GALK2: variants seen among roughly 807,000 people sequenced by gnomAD.
The protein encoded by GALK2 is galactokinase 2, also known as N-acetylgalactosamine kinase.
A neutral mutation model predicts 52.4 loss-of-function variants in GALK2; 36 were observed. The observed-to-expected ratio is 0.69, with a 90% CI of 0.53 to 0.91. The LOEUF (loss-of-function observed/expected upper bound fraction) is 0.91. Ranked by LOEUF, GALK2 falls within the 40% of genes least tolerant of loss-of-function variation. The pLI is 0.00. For synonymous variants in GALK2, 176 were observed against 199.1 expected, an observed-to-expected ratio of 0.88 and a Z score of 0.98; for missense variants, 579 against 559.1, an observed-to-expected ratio of 1.04 and a Z score of -0.36.
intron 1 of GALK2, among the ~76,000 whole-genome samples, chr15:49,164,610 A>G (rs2084758171): frequency 1.3e-5 from 2 of 151,886 alleles, no homozygotes; most frequent in South Asian, 4.2e-4. Flanking sequence ...GTAAAACCCC[A>G]TCTCTACTAA....
rs1390658519 is a variant in GALK2, at chr15:49,156,263, G to A, written c.20+247G>A. On this transcript the variant is annotated intron_variant, in intron 1 of 9. Coordinates refer to the GALK2 transcript ENST00000327171. Reference sequence around the variant, plus strand: ...TTACAGCCCTTGGGACCAAATTAAGGTAACAACGACTGGTTTTTAAAAAAT... The same window carrying A: ...TTACAGCCCTTGGGACCAAATTAAGATAACAACGACTGGTTTTTAAAAAAT... 3 of 501,660 alleles carry A rather than the reference G, an allele frequency of 6.0e-6. No individual in the cohort carries two copies. The East Asian group carries it at 1.1e-4, about 19-fold the overall frequency. 31.1% of individuals were successfully genotyped at this position (501,660 alleles called of 1,614,324 possible).
At chr15:49,207,496 T>C (rs1370267252) in intron 2 of GALK2, among the ~76,000 whole-genome samples, 3 of 152,200 alleles carry the variant, frequency 2.0e-5, no homozygotes, top group Non-Finnish European at 2.9e-5. Context: ...TTTTTTTTGT[T>C]GGTAATTTTT....
intron 5 of GALK2, among the ~76,000 whole-genome samples, chr15:49,268,179 G>A (rs775537721): frequency 3.3e-5 from 5 of 152,164 alleles, no homozygotes; most frequent in African/African-American, 7.2e-5. Context: ...CCCTCATGGA[G>A]CTTAGACTAA....
intron 2 of GALK2, among the ~76,000 whole-genome samples, chr15:49,214,397 C>G (rs1053602016): frequency 7.1e-6 from 1 of 139,938 alleles, no homozygotes; most frequent in East Asian, 2.1e-4. Context: ...GTGGCGTGAT[C>G]TCGGCTCACT....
chr15:49,159,852 A>ATGTG (rs1195085915), intron 1 of GALK2, among the ~76,000 whole-genome samples: 1 of 152,192 alleles, frequency 6.6e-6, no homozygotes, highest in African/African-American at 2.4e-5. Context: ...GATTGTATGT[A>ATGTG]TGTGTGTGTT....
At chr15:49,257,932 A>G (rs929804017) in intron 5 of GALK2, among the ~76,000 whole-genome samples, 3 of 149,318 alleles carry the variant, frequency 2.0e-5, no homozygotes, top group Non-Finnish European at 3.0e-5. Context: ...ATAAAATAAC[A>G]TTTTATTTAA....
intron 5 of GALK2, among the ~76,000 whole-genome samples, chr15:49,253,908 A>T (rs16962211): frequency 0.025 from 3,651 of 144,306 alleles, 435 homozygotes; most frequent in South Asian, 0.091. Flanking sequence ...CATTGGGTGG[A>T]TAGGCTTAGG....
intron 7 of GALK2, among the ~76,000 whole-genome samples, chr15:49,288,666 C>T (rs1270451151): frequency 2.0e-5 from 3 of 152,094 alleles, no homozygotes; most frequent in East Asian, 3.9e-4. Flanking sequence ...ATGGTGAGTC[C>T]GAGCTGCATG....
intron 1 of GALK2, chr15:49,178,810 A>T (rs1322630840): frequency 1.5e-5 from 3 of 203,802 alleles, no homozygotes; most frequent in African/African-American, 2.3e-5. Context: ...TTATTTTCTT[A>T]TATGAATAGA....
intron 8 of GALK2, among the ~76,000 whole-genome samples, chr15:49,310,930 G>A (rs1424224929): frequency 1.3e-5 from 2 of 152,018 alleles, no homozygotes; most frequent in African/African-American, 4.8e-5. Flanking sequence ...GTTGTCACTG[G>A]TGATTTTTGT....
intron 4 of GALK2, among the ~76,000 whole-genome samples, 179 bp downstream of exon 4, chr15:49,236,120 A>C (rs1435659719): frequency 1.3e-5 from 2 of 152,198 alleles, no homozygotes; most frequent in African/African-American, 4.8e-5. Flanking sequence ...GGTGGTGTTC[A>C]CAGGGGGCAG....
intron 3 of GALK2, among the ~76,000 whole-genome samples, chr15:49,355,609 T>A (rs2043019614): frequency 6.6e-6 from 1 of 152,094 alleles, no homozygotes; most frequent in Non-Finnish European, 1.5e-5. Context: ...CAAATCTACG[T>A]CTGACTGGTG....
At chr15:49,183,535 T>C (rs1372492082) in intron 1 of GALK2, among the ~76,000 whole-genome samples, 1 of 152,232 alleles carries the variant, frequency 6.6e-6, no homozygotes. Context: ...ATGATTTCAT[T>C]TTTTTGAATT....
intron 5 of GALK2, among the ~76,000 whole-genome samples, chr15:49,273,548 T>C (rs1352681316): frequency 1.3e-5 from 2 of 151,738 alleles, no homozygotes; most frequent in African/African-American, 4.8e-5. Flanking sequence ...GAAAAAAAAA[T>C]ATTAGAACAG....
intron 1 of GALK2, chr15:49,177,773 TG>T: frequency 1.5e-6 from 1 of 663,268 alleles, no homozygotes; most frequent in South Asian, 2.0e-5. Context: ...ATCCACTGGG[TG>T]GCAGGATTTT....
intron 8 of GALK2, among the ~76,000 whole-genome samples, chr15:49,315,172 T>C (rs979186351): frequency 2.0e-5 from 3 of 152,252 alleles, no homozygotes; most frequent in Admixed American, 2.0e-4. Flanking sequence ...CTGAAGACTA[T>C]GACGTATATC....
At chr15:49,264,519 C>G (rs2141650957) in intron 5 of GALK2, among the ~76,000 whole-genome samples, 1 of 152,294 alleles carries the variant, frequency 6.6e-6, no homozygotes, top group East Asian at 1.9e-4. Flanking sequence ...GTTTGAATGT[C>G]CTCCCAACGT....
chr15:49,170,099 T>G, upstream of GALK2: 1 of 1,020,056 alleles, frequency 9.8e-7, no homozygotes, highest in East Asian at 2.9e-5. Context: ...ACGGAGGCTG[T>G]ACCTGACTGC....
At chr15:49,325,346 T>G (rs1422920911) in intron 9 of GALK2, among the ~76,000 whole-genome samples, 2 of 152,226 alleles carry the variant, frequency 1.3e-5, no homozygotes, top group Non-Finnish European at 2.9e-5. Context: ...AGGGTTTTGG[T>G]TTTTGTAATT....
Sources: gnomAD v4.1 joint callset for allele counts (sites outside exome capture counted in the v4.1 genomes callset) on GRCh38, gnomAD v4.1.1 for gene constraint, MANE v1.5 for transcripts, NCBI Gene and HGNC (gene_info 2026-07-23, HGNC 2026-07-21) for gene names.